APBB2: variants seen among roughly 807,000 people sequenced by gnomAD.
APBB2 encodes the protein Fe65-like 1.
A neutral mutation model predicts 82.5 loss-of-function variants in APBB2; 38 were observed. That is an observed-to-expected ratio of 0.46 (90% CI 0.36 to 0.60). APBB2 has a LOEUF of 0.60. Among genes scored for constraint, APBB2 ranks in the 20% least tolerant of loss-of-function variants. The probability of loss-of-function intolerance (pLI) is 0.00; values close to 1 mark genes in which losing one functional copy is unlikely to be tolerated. For missense variants in APBB2, 772 were observed against 972.3 expected, an observed-to-expected ratio of 0.79 and a Z score of 2.74; for synonymous variants, 341 against 368.2, an observed-to-expected ratio of 0.93 and a Z score of 0.85.
At chr4:41,080,444 C>T (rs1254970083) in intron 3 of APBB2, among the ~76,000 whole-genome samples, 4 of 152,176 alleles carry the variant, frequency 2.6e-5, no homozygotes, top group Non-Finnish European at 5.9e-5. Flanking sequence ...TGGTGCCCCA[C>T]TGTCTCTGAA....
chr4:41,198,555 AG>A, intron 1 of APBB2, among the ~76,000 whole-genome samples: 1 of 152,146 alleles, frequency 6.6e-6, no homozygotes, highest in African/African-American at 2.4e-5. Context: ...TGGCACCATG[AG>A]GTTCAGTAAC....
chr4:40,872,141 C>A (rs1268583636), intron 12 of APBB2, among the ~76,000 whole-genome samples: 2 of 152,258 alleles, frequency 1.3e-5, no homozygotes, highest in African/African-American at 4.8e-5. Context: ...GTCAGCGCAT[C>A]TTTTCCTTCT....
At chr4:41,091,854 A>C (rs1741831614) in intron 3 of APBB2, among the ~76,000 whole-genome samples, 1 of 152,222 alleles carries the variant, frequency 6.6e-6, no homozygotes, top group Non-Finnish European at 1.5e-5. Flanking sequence ...CCAAATACCC[A>C]GGAACTTAAC....
intron 6 of APBB2, among the ~76,000 whole-genome samples, chr4:40,955,808 C>A (rs73152313): frequency 0.22 from 33,904 of 151,416 alleles, 3,908 homozygotes; most frequent in Middle Eastern, 0.26. Context: ...TGAAGTTTTG[C>A]TCTCGTTGCC....
rs1259959181 is a variant in APBB2, at chr4:40,991,001, A to T, written c.835+22582T>A. 9.9e-5 allele frequency among the ~76,000 whole-genome samples: 9 copies of T among 91,116 alleles called. No homozygotes were observed. In the East Asian group the frequency reaches 4.0e-3, roughly 40 times the overall value. The allele number at this position is 91,116 out of a possible 152,430, so 59.8% of individuals were successfully genotyped here. ...CTACATAGATTTCTGGTCATTTTGG[A>T]CTGAGTTTCATTTTTTTTTTTTTTG... On this transcript the variant is annotated intron_variant, in intron 6 of 17. Transcript: ENST00000508593.
intron 6 of APBB2, among the ~76,000 whole-genome samples, chr4:40,958,009 T>C (rs1448165544): frequency 6.6e-6 from 1 of 152,252 alleles, no homozygotes; most frequent in East Asian, 1.9e-4. Context: ...AGGAGGACTC[T>C]GCATACAAAC....
At chr4:40,829,897 G>A (rs1233642693) in intron 13 of APBB2, among the ~76,000 whole-genome samples, 2 of 152,140 alleles carry the variant, frequency 1.3e-5, no homozygotes, top group African/African-American at 4.8e-5. Flanking sequence ...GTGTGTTAAC[G>A]GCAATCCCCA....
At chr4:41,092,620 C>T (rs1742137242) in intron 3 of APBB2, among the ~76,000 whole-genome samples, 1 of 148,180 alleles carries the variant, frequency 6.7e-6, no homozygotes. Context: ...ACCCGAGAGG[C>T]GGAGGTTGTG....
intron 12 of APBB2, among the ~76,000 whole-genome samples, chr4:40,838,979 T>C (rs1754945042): frequency 6.6e-6 from 1 of 152,096 alleles, no homozygotes; most frequent in South Asian, 2.1e-4. Flanking sequence ...ATTTCCATGA[T>C]AGGACATCTC....
chr4:41,043,594 A>T (rs1722313271), intron 4 of APBB2, among the ~76,000 whole-genome samples: 1 of 152,154 alleles, frequency 6.6e-6, no homozygotes, highest in African/African-American at 2.4e-5. Context: ...CAAAGAAAAC[A>T]CCCATAACTA....
chr4:41,023,279 C>T (rs766911181), intron 5 of APBB2, among the ~76,000 whole-genome samples: 8 of 152,196 alleles, frequency 5.3e-5, no homozygotes, highest in Non-Finnish European at 1.2e-4. Flanking sequence ...CATACTTCCT[C>T]AGTAGATAAG....
chr4:40,831,232 T>C (rs1171235963), intron 12 of APBB2, among the ~76,000 whole-genome samples: 1 of 151,834 alleles, frequency 6.6e-6, no homozygotes, highest in Non-Finnish European at 1.5e-5. Flanking sequence ...ACTCTGTCTC[T>C]ACTAAAAATA....
intron 6 of APBB2, among the ~76,000 whole-genome samples, chr4:40,956,363 C>A (rs1462312160): frequency 6.6e-6 from 1 of 152,164 alleles, no homozygotes; most frequent in Non-Finnish European, 1.5e-5. Flanking sequence ...AAGGAATCGG[C>A]AGAAACACTG....
At chr4:41,170,982 CA>C (rs1768083221) in intron 1 of APBB2, among the ~76,000 whole-genome samples, 1 of 152,188 alleles carries the variant, frequency 6.6e-6, no homozygotes, top group African/African-American at 2.4e-5. Flanking sequence ...TATCTGATAA[CA>C]TCCAGTGACT....
At chr4:41,101,404 C>T (rs926049782) in intron 2 of APBB2, among the ~76,000 whole-genome samples, 1 of 128,226 alleles carries the variant, frequency 7.8e-6, no homozygotes, top group African/African-American at 3.0e-5. Flanking sequence ...GCGGAGCTTG[C>T]AGTGAGCCGA....
rs1431930675 is a variant in APBB2, at chr4:40,813,623, ATCAT to A, written c.*2465_*2468del. ...GCAAAGTTTTCAATATGTAAAGGCT[ATCAT>A]TCATCTTAATGCATCCTATAATTGC... On this transcript the variant is annotated 3_prime_UTR_variant, in exon 18 of 18. Coordinates refer to ENST00000508593, the MANE Select transcript of APBB2 (RefSeq NM_004307.2). 6.6e-6 allele frequency: 1 copy of A among 152,244 alleles called. No homozygotes were observed. Among genetic ancestry groups the A allele is most frequent in the Non-Finnish European group, 1.5e-5 (1 of 68,030 alleles). The allele number at this position is 152,244 out of a possible 1,614,324, so 9.4% of individuals were successfully genotyped here. A position where few individuals can be genotyped will look rare whatever the true frequency, so the allele number is the denominator to read the frequency against.
At chr4:41,016,188 A>AT (rs1283353452) in intron 5 of APBB2, among the ~76,000 whole-genome samples, 2 of 152,212 alleles carry the variant, frequency 1.3e-5, no homozygotes, top group African/African-American at 4.8e-5. Flanking sequence ...ATGGCAAAAC[A>AT]TTTATATTAG....
At chr4:41,047,176 G>A (rs1723742625) in intron 4 of APBB2, among the ~76,000 whole-genome samples, 2 of 152,326 alleles carry the variant, frequency 1.3e-5, no homozygotes, top group South Asian at 2.1e-4. Context: ...TTTGAACTCA[G>A]TAGAAGATGA....
chr4:40,898,256 T>C (rs986396460), intron 10 of APBB2, among the ~76,000 whole-genome samples: 10 of 152,198 alleles, frequency 6.6e-5, no homozygotes, highest in African/African-American at 2.4e-4. Context: ...ATGTTTATTA[T>C]TATTTTTTGT....
Sources: allele counts gnomAD v4.1 joint callset (sites outside exome capture counted in the v4.1 genomes callset), GRCh38; gene constraint gnomAD v4.1.1; transcripts MANE v1.5; gene names NCBI Gene and HGNC (gene_info 2026-07-23, HGNC 2026-07-21).